RIPOR3: variants seen among roughly 807,000 people sequenced by gnomAD.
RIPOR3 encodes family with sequence similarity 65 member C.
RIPOR3 carries 95 observed loss-of-function variants against 114.3 expected under a neutral mutation model. The observed-to-expected ratio is 0.83, with a 90% CI of 0.70 to 0.99. The LOEUF is 0.99. RIPOR3 is among the 50% of genes least tolerant of loss of function. The pLI is 0.00. For missense variants in RIPOR3, 1,252 were observed against 1,266.9 expected (o/e 0.99, Z 0.18); for synonymous variants, 575 against 543.8 (o/e 1.06, Z -0.80).
chr20:50,593,023 C>T lies in RIPOR3; in HGVS notation c.2374+12G>A. On this transcript the variant is annotated intron_variant, in intron 18 of 21. Transcript: ENST00000327979. The stretch of plus-strand genomic sequence containing the variant: ...ATTCCTCTGCTATGACAGCCACCCA[C>T]CCCAGTCTTACCTTCCTTGGTGAGC... 1.2e-6 allele frequency: 2 copies of T among 1,613,490 alleles called. No individual in the cohort carries two copies. Among genetic ancestry groups the T allele is most frequent in the Non-Finnish European group, 1.7e-6 (2 of 1,179,882 alleles).
chr20:50,600,516 C>T (rs1052981300), intron 13 of RIPOR3, among the ~76,000 whole-genome samples: 20 of 152,066 alleles, frequency 1.3e-4, no homozygotes, highest in Admixed American at 4.6e-4. Context: ...CCCAACGCTT[C>T]GGGAGGCTGA....
Position 50,673,559 on chromosome 20 carries a change from G to T in RIPOR3, c.3+17567C>A, listed in dbSNP as rs560135429. On this transcript the variant is annotated intron_variant, in intron 1 of 21. Coordinates refer to ENST00000327979, the MANE Select transcript of RIPOR3 (RefSeq NM_001290268.2). ...CCCCAAAGCCCCAGTCTCTGGAAAT[G>T]ACCCTCCTTCCTTCTCCAGCTCATG... Among the ~76,000 whole-genome samples, 144 of 152,104 alleles carry T rather than the reference G, an allele frequency of 9.5e-4. 1 individual carries two copies. The highest frequency in any genetic ancestry group is 1.8e-3 in the Non-Finnish European group (124 of 68,008).
chr20:50,667,286 CTTTTTT>C (rs139859156), intron 1 of RIPOR3, among the ~76,000 whole-genome samples: 712 of 67,600 alleles, frequency 0.011, 9 homozygotes, highest in African/African-American at 0.037. Context: ...CTTTAAACTA[CTTTTTT>C]TTTTTTTTTT....
chr20:50,615,994 G>A lies in RIPOR3; in HGVS notation c.348+8C>T. On this transcript the variant is annotated splice_region_variant and intron_variant, in intron 4 of 21. Coordinates refer to ENST00000327979, the MANE Select transcript of RIPOR3 (RefSeq NM_001290268.2). Reference sequence around the variant, plus strand: ...TCTGGGTGGGAAGCAGGCAGGGAGGGGTCTCACCAGCCTGGAATTCCTCCT... The same window carrying A: ...TCTGGGTGGGAAGCAGGCAGGGAGGAGTCTCACCAGCCTGGAATTCCTCCT... 1.2e-6 allele frequency: 2 copies of A among 1,603,414 alleles called. No individual in the cohort carries two copies. The highest frequency in any genetic ancestry group is 2.7e-5 in the African/African-American group (2 of 74,928).
chr20:50,680,116 G>A (rs545431237), intron 1 of RIPOR3, among the ~76,000 whole-genome samples: 143 of 152,256 alleles, frequency 9.4e-4, no homozygotes, highest in Non-Finnish European at 1.4e-3. Context: ...GCAGACAAGC[G>A]TCAGCACCCC....
At chr20:50,656,455 A>G (rs750652067) in intron 1 of RIPOR3, among the ~76,000 whole-genome samples, 2 of 152,152 alleles carry the variant, frequency 1.3e-5, no homozygotes, top group African/African-American at 2.4e-5. Context: ...AATGGTACCT[A>G]TTTTATAGGA....
intron 20 of RIPOR3, among the ~76,000 whole-genome samples, chr20:50,589,084 G>GAAAAAAAAAAAAA (rs529410533): frequency 2.2e-5 from 2 of 89,524 alleles, no homozygotes; most frequent in Admixed American, 1.3e-4. Context: ...TCCATCTCAA[G>GAAAAAAAAAAAAA]AAAAAAAAAA....
At chr20:50,676,180 A>G (rs2086670587) in intron 1 of RIPOR3, among the ~76,000 whole-genome samples, 1 of 152,192 alleles carries the variant, frequency 6.6e-6, no homozygotes, top group South Asian at 2.1e-4. Context: ...CTGGCCACAG[A>G]TGGATACTGT....
intron 17 of RIPOR3, among the ~76,000 whole-genome samples, chr20:50,594,066 C>T (rs780317289): frequency 6.6e-6 from 1 of 151,946 alleles, no homozygotes; most frequent in Non-Finnish European, 1.5e-5. Flanking sequence ...GTCAGGAGTT[C>T]GAGACCAGCC....
chr20:50,648,008 G>A (rs1292310118), intron 1 of RIPOR3, among the ~76,000 whole-genome samples: 1 of 151,984 alleles, frequency 6.6e-6, no homozygotes, highest in African/African-American at 2.4e-5. Context: ...AGGCGCGGTG[G>A]CTCATGCCTA....
At chr20:50,595,142 T>C (rs1178272304) in intron 16 of RIPOR3, 16 of 583,870 alleles carry the variant, frequency 2.7e-5, no homozygotes, top group Admixed American at 2.7e-4. Flanking sequence ...ATGTGAATCA[T>C]TTGCCTAGAG....
intron 5 of RIPOR3, 68 bp downstream of exon 5, chr20:50,611,113 T>C: frequency 6.2e-7 from 1 of 1,611,144 alleles, no homozygotes; most frequent in Non-Finnish European, 8.5e-7. Context: ...GCCAGGAAGA[T>C]GCAATGAGGC....
intron 1 of RIPOR3, among the ~76,000 whole-genome samples, chr20:50,637,604 T>G (rs932956003): frequency 6.6e-6 from 1 of 152,180 alleles, no homozygotes; most frequent in Non-Finnish European, 1.5e-5. Flanking sequence ...CCTATAATTA[T>G]GGGCTCACGC....
rs369157761 is a variant in RIPOR3, at chr20:50,592,999, T to C, written c.2374+36A>G. 6.2e-6 allele frequency: 10 copies of C among 1,609,808 alleles called. No individual in the cohort carries two copies. In the African/African-American group the frequency reaches 1.2e-4, roughly 19 times the overall value. ...TGCATGTGACAGGGCTCCGTGGATA[T>C]TCCTCTGCTATGACAGCCACCCACC... On this transcript the variant is annotated intron_variant, in intron 18 of 21. Coordinates refer to ENST00000327979, the MANE Select transcript of RIPOR3 (RefSeq NM_001290268.2).
intron 2 of RIPOR3, among the ~76,000 whole-genome samples, chr20:50,625,243 TGTA>T (rs2084575999): frequency 6.6e-6 from 1 of 152,170 alleles, no homozygotes; most frequent in Middle Eastern, 3.2e-3. Context: ...GCTAATTTTT[TGTA>T]GTTTTGGTGG....
chr20:50,588,807 G>A (rs542373183), intron 20 of RIPOR3, among the ~76,000 whole-genome samples: 78 of 150,566 alleles, frequency 5.2e-4, no homozygotes, highest in Non-Finnish European at 7.4e-4. Context: ...TAGGCCGGGC[G>A]CGGTGGCTCA....
rs1386187926 is a variant in RIPOR3, at chr20:50,592,513, T to C, written c.2408A>G (p.Gln803Arg). The C allele has an allele frequency of 6.3e-7, 1 of 1,590,530 alleles. No individual in the cohort carries two copies. The highest frequency in any genetic ancestry group is 1.1e-5 in the South Asian group (1 of 88,788). ...CTGCAGCTTCCGGACCACCTTGGCC[T>C]GTCCCGCACAGTGAAGCTCCTCGAT... ...TLIEELHCAGQAKVVRKLQGK... is the reference protein window; with the variant it reads ...TLIEELHCAGRAKVVRKLQGK... The change falls in exon 19 of 22, where the codon CAG (glutamine) becomes CGG (arginine). Residue 803 changes from glutamine to arginine, a missense_variant. Gln to Arg is a conservative substitution (Grantham distance 43). Coordinates refer to ENST00000327979, the MANE Select transcript of RIPOR3 (RefSeq NM_001290268.2).
chr20:50,677,502 G>A (rs1294233261), intron 1 of RIPOR3, among the ~76,000 whole-genome samples: 11 of 150,196 alleles, frequency 7.3e-5, no homozygotes, highest in African/African-American at 2.7e-4. Context: ...CTCCTGAGTA[G>A]CTGGGATGAC....
At chr20:50,677,911 G>A (rs941742953) in intron 1 of RIPOR3, among the ~76,000 whole-genome samples, 1 of 142,422 alleles carries the variant, frequency 7.0e-6, no homozygotes. Context: ...CTCAACTGAT[G>A]CACCTGTCCC....
Sources: allele counts gnomAD v4.1 joint callset (sites outside exome capture counted in the v4.1 genomes callset), GRCh38; gene constraint gnomAD v4.1.1; transcripts MANE v1.5; gene names NCBI Gene and HGNC (gene_info 2026-07-23, HGNC 2026-07-21).